The following JAKMIP2 variants were observed in gnomAD, a reference collection of about 807,000 sequenced individuals.
The protein encoded by JAKMIP2 is janus kinase and microtubule interacting protein 2.
A neutral mutation model predicts 115.0 loss-of-function variants in JAKMIP2; 25 were observed. That is an observed-to-expected ratio of 0.22 (90% CI 0.16 to 0.30). JAKMIP2 has a LOEUF of 0.30. JAKMIP2 is among the 10% of genes least tolerant of loss of function. The probability of loss-of-function intolerance (pLI) is 1.00; values close to 1 mark genes in which losing one functional copy is unlikely to be tolerated. For synonymous variants in JAKMIP2, 334 were observed against 343.6 expected, an observed-to-expected ratio of 0.97 and a Z score of 0.31; for missense variants, 642 against 957.6, an observed-to-expected ratio of 0.67 and a Z score of 4.35.
intron 11 of JAKMIP2, among the ~76,000 whole-genome samples, chr5:147,636,614 A>G (rs147777916): frequency 6.6e-6 from 1 of 152,216 alleles, no homozygotes; most frequent in Non-Finnish European, 1.5e-5. Flanking sequence ...ATATGGATGG[A>G]AAACATTAAA....
intron 1 of JAKMIP2, among the ~76,000 whole-genome samples, chr5:147,726,895 G>A (rs1260254715): frequency 6.6e-6 from 1 of 152,206 alleles, no homozygotes; most frequent in Non-Finnish European, 1.5e-5. Context: ...ATTACCTCAA[G>A]CAGTTAAAAG....
chr5:147,699,899 G>C (rs1425729697), intron 1 of JAKMIP2, among the ~76,000 whole-genome samples: 1 of 152,188 alleles, frequency 6.6e-6, no homozygotes, highest in East Asian at 1.9e-4. Flanking sequence ...TTCAAACTTG[G>C]TGCTGTGTGA....
chr5:147,734,337 T>A (rs1011464946), intron 1 of JAKMIP2, among the ~76,000 whole-genome samples: 2 of 151,934 alleles, frequency 1.3e-5, no homozygotes, highest in African/African-American at 4.8e-5. Context: ...AAATAATGAG[T>A]TCATGTCCTT....
intron 1 of JAKMIP2, among the ~76,000 whole-genome samples, chr5:147,747,232 C>T (rs936290901): frequency 6.6e-6 from 1 of 152,058 alleles, no homozygotes; most frequent in Non-Finnish European, 1.5e-5. Context: ...CTTGGCCAGG[C>T]AATCAACCCA....
Position 147,591,491 on chromosome 5 carries a change from A to C in JAKMIP2, c.*216T>G. On this transcript the variant is annotated 3_prime_UTR_variant, in exon 22 of 22. Coordinates refer to ENST00000616793, the MANE Select transcript of JAKMIP2 (RefSeq NM_001270941.2). ...TTTCATTAAATGCAGCATATATTGT[A>C]GATTTTCAACAGGGTTGTGTAGGAA... is the stretch of plus-strand genomic sequence containing the variant. 1.6e-6 allele frequency: 1 copy of C among 641,648 alleles called. No homozygotes were observed. The highest frequency in any genetic ancestry group is 2.8e-6 in the Non-Finnish European group (1 of 357,762). 39.7% of individuals were successfully genotyped at this position (641,648 alleles called of 1,614,324 possible). A position where few individuals can be genotyped will look rare whatever the true frequency, so the allele number is the denominator to read the frequency against.
chr5:147,698,436 G>A (rs1752192148), intron 1 of JAKMIP2, among the ~76,000 whole-genome samples: 1 of 152,148 alleles, frequency 6.6e-6, no homozygotes, highest in Non-Finnish European at 1.5e-5. Context: ...TTTGAAATGT[G>A]AGGACACAAG....
chr5:147,631,640 C>A (rs1315013149), intron 13 of JAKMIP2, 129 bp from the exon 14 acceptor site: 3 of 557,800 alleles, frequency 5.4e-6, no homozygotes, highest in Non-Finnish European at 9.3e-6. Flanking sequence ...AAAATTCAAT[C>A]TCAAGATGTT....
intron 12 of JAKMIP2, among the ~76,000 whole-genome samples, chr5:147,635,087 G>C (rs1467638034): frequency 1.3e-5 from 2 of 152,108 alleles, no homozygotes; most frequent in Non-Finnish European, 2.9e-5. Context: ...TGAGGCAGGA[G>C]AATCGCTTCA....
intron 1 of JAKMIP2, among the ~76,000 whole-genome samples, chr5:147,724,028 T>C (rs1753419802): frequency 6.6e-6 from 1 of 152,214 alleles, no homozygotes; most frequent in Non-Finnish European, 1.5e-5. Flanking sequence ...TAAAGAGTAA[T>C]TCACTTAACC....
rs1408981834 is a variant in JAKMIP2, at chr5:147,590,002, A to G, written c.*1705T>C. 2 of 152,370 alleles carry G rather than the reference A, an allele frequency of 1.3e-5. No individual in the cohort carries two copies. The highest frequency in any genetic ancestry group is 3.9e-4 in the East Asian group (2 of 5,190). The allele number at this position is 152,370 out of a possible 1,614,324, so 9.4% of individuals were successfully genotyped here. A position where few individuals can be genotyped will look rare whatever the true frequency, so the allele number is the denominator to read the frequency against. On this transcript the variant is annotated 3_prime_UTR_variant, in exon 22 of 22. Coordinates refer to ENST00000616793, the MANE Select transcript of JAKMIP2 (RefSeq NM_001270941.2). ...AAAGCATTTTAACCCCATTTTGCAG[A>G]TGAGGAAACTGAGGCACAGAGAGGT...
chr5:147,731,912 A>G (rs888088408), intron 1 of JAKMIP2, among the ~76,000 whole-genome samples: 1 of 152,228 alleles, frequency 6.6e-6, no homozygotes, highest in African/African-American at 2.4e-5. Context: ...TGTTCTGGGT[A>G]TTTGATATTC....
chr5:147,743,140 T>C lies in JAKMIP2; in HGVS notation c.-149+39316A>G, dbSNP rs149109925. On this transcript the variant is annotated intron_variant, in intron 1 of 21. Coordinates refer to ENST00000616793, the MANE Select transcript of JAKMIP2 (RefSeq NM_001270941.2). Reference sequence around the variant, plus strand: ...GTCATCATCTTATGAATCCTTACACTGACACTGAGAGAAGTACTCATGTGG... The same window carrying C: ...GTCATCATCTTATGAATCCTTACACCGACACTGAGAGAAGTACTCATGTGG... 4.0e-4 allele frequency among the ~76,000 whole-genome samples: 61 copies of C among 152,350 alleles called. No homozygotes were observed. In the East Asian group the frequency reaches 0.011, roughly 28 times the overall value.
intron 18 of JAKMIP2, 28 bp downstream of exon 18, chr5:147,620,637 CG>C (rs1330281149): frequency 6.7e-7 from 1 of 1,481,940 alleles, no homozygotes; most frequent in Non-Finnish European, 9.4e-7. Flanking sequence ...GTAAATACTG[CG>C]GGTGTCTCTA....
chr5:147,716,014 T>A (rs1171300651), intron 1 of JAKMIP2, among the ~76,000 whole-genome samples: 1 of 118,392 alleles, frequency 8.4e-6, no homozygotes, highest in Admixed American at 9.7e-5. Flanking sequence ...CCCACAACAG[T>A]CCCCAGAGTG....
chr5:147,639,543 C>A, intron 10 of JAKMIP2, 89 bp downstream of exon 10: 1 of 1,421,812 alleles, frequency 7.0e-7, no homozygotes, highest in Non-Finnish European at 9.4e-7. Flanking sequence ...ACAGGGAAAG[C>A]TGTCTTATTG....
At chr5:147,688,232 A>G (rs960819803) in intron 1 of JAKMIP2, among the ~76,000 whole-genome samples, 2 of 152,262 alleles carry the variant, frequency 1.3e-5, no homozygotes, top group Admixed American at 1.3e-4. Flanking sequence ...TCATTGTCAT[A>G]ATGTTCTGAG....
chr5:147,702,658 AAGAAAG>A (rs1283167357), intron 1 of JAKMIP2, among the ~76,000 whole-genome samples: 2 of 111,144 alleles, frequency 1.8e-5, no homozygotes, highest in African/African-American at 4.2e-5. Context: ...GAAAGAAAGA[AAGAAAG>A]AGAGAGAAAG....
intron 1 of JAKMIP2, among the ~76,000 whole-genome samples, chr5:147,761,697 GC>G (rs2127048362): frequency 6.6e-6 from 1 of 152,186 alleles, no homozygotes; most frequent in South Asian, 2.1e-4. Flanking sequence ...TGTATTATTG[GC>G]ACTTAACACT....
chr5:147,762,810 T>A (rs957956504), intron 1 of JAKMIP2, among the ~76,000 whole-genome samples: 14 of 152,248 alleles, frequency 9.2e-5, no homozygotes, highest in Middle Eastern at 6.8e-3. Flanking sequence ...AATTATAAAG[T>A]GATTTTTATT....
Sources: allele counts gnomAD v4.1 joint callset (sites outside exome capture counted in the v4.1 genomes callset), GRCh38; gene constraint gnomAD v4.1.1; transcripts MANE v1.5; gene names NCBI Gene and HGNC (gene_info 2026-07-23, HGNC 2026-07-21).